The following STXBP5L variants were observed in gnomAD, a reference collection of about 807,000 sequenced individuals.
The protein encoded by STXBP5L is syntaxin binding protein 5L.
In STXBP5L, 65 loss-of-function variants were observed where a neutral mutation model predicts 144.5. That is an observed-to-expected ratio of 0.45 (90% CI 0.37 to 0.55). STXBP5L has a LOEUF of 0.55. Among genes scored for constraint, STXBP5L ranks in the 20% least tolerant of loss-of-function variants. The pLI, the probability that STXBP5L is intolerant of heterozygous loss-of-function variation, is 0.00. For missense variants in STXBP5L, 1,298 were observed against 1,405.5 expected, an observed-to-expected ratio of 0.92 and a Z score of 1.22; for synonymous variants, 505 against 469.6, an observed-to-expected ratio of 1.08 and a Z score of -0.97.
rs907884460 is a variant in STXBP5L, at chr3:121,420,564, C to G, written c.*1467C>G. On this transcript the variant is annotated 3_prime_UTR_variant, in exon 27 of 27. Transcript: ENST00000471454. ...CAGAGTCAAAACCAAATAGAGACACCTACTACCATTTAACATGATTCTGGA... is the reference window on the plus strand; with the variant it reads ...CAGAGTCAAAACCAAATAGAGACACGTACTACCATTTAACATGATTCTGGA... 16 of 152,044 alleles carry G rather than the reference C, an allele frequency of 1.1e-4. No individual in the cohort carries two copies. Among genetic ancestry groups the G allele is most frequent in the African/African-American group, 3.9e-4 (16 of 41,412 alleles). The allele number at this position is 152,044 out of a possible 1,614,324, so 9.4% of individuals were successfully genotyped here.
At chr3:121,240,924 C>A (rs2049644695) in intron 14 of STXBP5L, among the ~76,000 whole-genome samples, 1 of 152,104 alleles carries the variant, frequency 6.6e-6, no homozygotes. Flanking sequence ...TGTATGACAA[C>A]CCACTTGATG....
intron 5 of STXBP5L, among the ~76,000 whole-genome samples, chr3:121,111,020 G>A (rs896641538): frequency 6.6e-6 from 1 of 151,882 alleles, no homozygotes; most frequent in Non-Finnish European, 1.5e-5. Flanking sequence ...CCTCCGCTTG[G>A]TCTATTCGGC....
intron 2 of STXBP5L, 71 bp downstream of exon 2, chr3:120,909,838 A>C (rs889417063): frequency 7.0e-7 from 1 of 1,432,804 alleles, no homozygotes. Context: ...GGGGGGAAAA[A>C]CATACCAGGA....
At chr3:121,302,344 G>A (rs552069648) in intron 19 of STXBP5L, among the ~76,000 whole-genome samples, 114 of 152,276 alleles carry the variant, frequency 7.5e-4, no homozygotes, top group African/African-American at 2.6e-3. Context: ...GGTGTTTATA[G>A]TATTCTCTGA....
chr3:121,349,198 C>T (rs1479483112), intron 20 of STXBP5L, among the ~76,000 whole-genome samples: 3 of 152,056 alleles, frequency 2.0e-5, no homozygotes, highest in Admixed American at 6.6e-5. Flanking sequence ...TTTATTTCTG[C>T]CTTCATTTTG....
At chr3:121,196,835 T>TATTGATTGATTG (rs34277105) in intron 9 of STXBP5L, among the ~76,000 whole-genome samples, 37 of 148,720 alleles carry the variant, frequency 2.5e-4, no homozygotes, top group African/African-American at 5.9e-4. Flanking sequence ...ATGCCCAGAT[T>TATTGATTGATTG]ATTGATTGAT....
chr3:121,308,476 A>G (rs2043417724), intron 19 of STXBP5L, among the ~76,000 whole-genome samples: 1 of 152,224 alleles, frequency 6.6e-6, no homozygotes, highest in East Asian at 1.9e-4. Context: ...TGTTAAGGTA[A>G]CTATGTAATT....
intron 7 of STXBP5L, among the ~76,000 whole-genome samples, chr3:121,138,873 C>A (rs2107930211): frequency 6.6e-6 from 1 of 151,914 alleles, no homozygotes; most frequent in South Asian, 2.1e-4. Context: ...AACTCAAGAG[C>A]ACAGGCAACA....
chr3:121,258,264 T>G (rs1263983177), intron 17 of STXBP5L, among the ~76,000 whole-genome samples: 1 of 152,218 alleles, frequency 6.6e-6, no homozygotes, highest in Non-Finnish European at 1.5e-5. Context: ...GAATTAAACC[T>G]AAGCAGGGAA....
At chr3:121,202,036 A>G (rs1419604181) in intron 9 of STXBP5L, among the ~76,000 whole-genome samples, 1 of 152,160 alleles carries the variant, frequency 6.6e-6, no homozygotes, top group East Asian at 1.9e-4. Flanking sequence ...GATTACAGGA[A>G]TCAGCCATTG....
intron 20 of STXBP5L, among the ~76,000 whole-genome samples, chr3:121,376,763 T>C (rs1214861304): frequency 6.6e-6 from 1 of 152,186 alleles, no homozygotes; most frequent in Non-Finnish European, 1.5e-5. Context: ...TTTTTCTAAT[T>C]CTGTGAAGAA....
rs35656223 is a variant in STXBP5L at position 120,984,632 on chromosome 3, C to CTTTTTTTTTTTTTTTTTTTTTTTTTT, written c.287+29617_287+29618insTTTTTTTTTTTTTTTTTTTTTTTTTT. 2.9e-4 allele frequency among the ~76,000 whole-genome samples: 21 copies of CTTTTTTTTTTTTTTTTTTTTTTTTTT among 71,964 alleles called. 1 individual carries two copies. The highest frequency in any genetic ancestry group is 6.6e-4 in the Admixed American group (3 of 4,558). The allele number at this position is 71,964 out of a possible 152,430, so 47.2% of individuals were successfully genotyped here. ...TGGATGCCTTTCATTTCTTTCTTTC[C>CTTTTTTTTTTTTTTTTTTTTTTTTTT]TTTTTTTTTTTTTTTTTTTTTTGCC... On this transcript the variant is annotated intron_variant, in intron 3 of 26. Coordinates refer to ENST00000471454, the MANE Select transcript of STXBP5L (RefSeq NM_001308330.2).
chr3:121,064,328 T>A (rs566271165), intron 5 of STXBP5L, among the ~76,000 whole-genome samples: 1 of 152,258 alleles, frequency 6.6e-6, no homozygotes, highest in Admixed American at 6.5e-5. Flanking sequence ...CCCAGTGAGA[T>A]GAGCTGAGTA....
At chr3:121,190,161 A>C (rs780102461) in intron 9 of STXBP5L, among the ~76,000 whole-genome samples, 3 of 152,110 alleles carry the variant, frequency 2.0e-5, no homozygotes, top group Admixed American at 6.6e-5. Flanking sequence ...GCGGATAAAC[A>C]TGTGAACAAA....
intron 20 of STXBP5L, among the ~76,000 whole-genome samples, chr3:121,339,051 G>A (rs1421777720): frequency 6.6e-6 from 1 of 152,058 alleles, no homozygotes; most frequent in African/African-American, 2.4e-5. Context: ...ATTCTATGAA[G>A]CCAGTATCAC....
At chr3:121,169,496 T>C (rs1398170377) in intron 9 of STXBP5L, among the ~76,000 whole-genome samples, 1 of 152,092 alleles carries the variant, frequency 6.6e-6, no homozygotes, top group Non-Finnish European at 1.5e-5. Flanking sequence ...TGGAGGAATA[T>C]TTACCAAGCA....
At chr3:121,346,277 T>A (rs2044974262) in intron 20 of STXBP5L, among the ~76,000 whole-genome samples, 1 of 152,110 alleles carries the variant, frequency 6.6e-6, no homozygotes, top group South Asian at 2.1e-4. Context: ...ACAAAGGACA[T>A]GAACTCATCA....
At chr3:121,172,121 C>T in intron 9 of STXBP5L, among the ~76,000 whole-genome samples, 1 of 151,530 alleles carries the variant, frequency 6.6e-6, no homozygotes, top group East Asian at 1.9e-4. Flanking sequence ...TTTGGGAAAA[C>T]TGGCTAGCCA....
At chr3:121,255,239 G>A in intron 16 of STXBP5L, 127 bp downstream of exon 16, 1 of 601,374 alleles carries the variant, frequency 1.7e-6, no homozygotes, top group Non-Finnish European at 2.6e-6. Context: ...ACAATTCACA[G>A]GATTTTAAAT....
Sources: gnomAD v4.1 joint callset for allele counts (sites outside exome capture counted in the v4.1 genomes callset) on GRCh38, gnomAD v4.1.1 for gene constraint, MANE v1.5 for transcripts, NCBI Gene and HGNC (gene_info 2026-07-23, HGNC 2026-07-21) for gene names.